SCAF4: variants seen among roughly 807,000 people sequenced by gnomAD.
SCAF4 encodes SR-related CTD associated factor 4.
In SCAF4, 25 loss-of-function variants were observed where a neutral mutation model predicts 129.8. The observed-to-expected ratio is 0.19, with a 90% CI of 0.14 to 0.27. The LOEUF is 0.27. Among genes scored for constraint, SCAF4 ranks in the 10% least tolerant of loss-of-function variants. The pLI is 1.00. For missense variants in SCAF4, 1,246 were observed against 1,457.1 expected, an observed-to-expected ratio of 0.86 and a Z score of 2.36; for synonymous variants, 551 against 497.7, an observed-to-expected ratio of 1.11 and a Z score of -1.43.
At chr21:31,703,055 T>C (rs377049143) in intron 4 of SCAF4, among the ~76,000 whole-genome samples, 3 of 152,182 alleles carry the variant, frequency 2.0e-5, no homozygotes, top group East Asian at 3.8e-4. Flanking sequence ...TACTTTTATA[T>C]AGTATGTTGT....
At chr21:31,728,807 C>G (rs780173716) in intron 1 of SCAF4, among the ~76,000 whole-genome samples, 5 of 152,112 alleles carry the variant, frequency 3.3e-5, no homozygotes, top group Non-Finnish European at 7.4e-5. Flanking sequence ...CAACTACTTG[C>G]CAAAAATTTC....
intron 1 of SCAF4, among the ~76,000 whole-genome samples, chr21:31,719,161 A>G (rs113746805): frequency 0.034 from 5,123 of 152,176 alleles, 130 homozygotes; most frequent in Non-Finnish European, 0.048. Context: ...GTGGTGGCAC[A>G]TGCCTGTAAT....
rs377564020 is a variant in SCAF4, at chr21:31,731,435, G to A, written c.30+228C>T. 4.6e-5 allele frequency among the ~76,000 whole-genome samples: 7 copies of A among 152,296 alleles called. No individual in the cohort carries two copies. In the East Asian group the frequency reaches 9.7e-4, roughly 21 times the overall value. ...CAAGGGGGCGAGGGGAGAAGCCCGAGGTCGCGGTCCGGGGGTGGGCAGTGG... is the reference window on the plus strand; with the variant it reads ...CAAGGGGGCGAGGGGAGAAGCCCGAAGTCGCGGTCCGGGGGTGGGCAGTGG... On this transcript the variant is annotated intron_variant, in intron 1 of 19. Transcript: ENST00000286835.
At chr21:31,689,052 A>G (rs2050195465) in intron 15 of SCAF4, among the ~76,000 whole-genome samples, 1 of 152,192 alleles carries the variant, frequency 6.6e-6, no homozygotes, top group African/African-American at 2.4e-5. Context: ...GAGCTTTTCA[A>G]TACATTCTCC....
At chr21:31,721,631 C>G (rs1332328228) in intron 1 of SCAF4, among the ~76,000 whole-genome samples, 2 of 151,996 alleles carry the variant, frequency 1.3e-5, no homozygotes, top group Non-Finnish European at 2.9e-5. Flanking sequence ...AGCAGTCCAC[C>G]CAGGTGCAGG....
At chr21:31,724,361 A>C (rs1457052046) in intron 1 of SCAF4, among the ~76,000 whole-genome samples, 1 of 152,040 alleles carries the variant, frequency 6.6e-6, no homozygotes, top group Non-Finnish European at 1.5e-5. Context: ...CATAATACTA[A>C]TTAATATACC....
chr21:31,681,815 C>G (rs933624363), intron 19 of SCAF4, among the ~76,000 whole-genome samples: 1 of 152,172 alleles, frequency 6.6e-6, no homozygotes, highest in Non-Finnish European at 1.5e-5. Flanking sequence ...TCTGATGATA[C>G]AACCAAACCA....
At position 31,675,371 on chromosome 21, in the gene SCAF4, C is replaced by T. The variant is rs114688585; in HGVS notation, c.2489-3017G>A. Among the ~76,000 whole-genome samples the T allele has an allele frequency of 2.4e-3, 363 of 152,212 alleles. 2 individuals are homozygous for T. Among genetic ancestry groups the T allele is most frequent in the African/African-American group, 8.3e-3 (346 of 41,540 alleles). ...TAGGATAGCTAAGAGGGGAAGGCCC[C>T]TCGAGAGTAGTTAGGCACTTATTCG... is the stretch of plus-strand genomic sequence containing the variant. On this transcript the variant is annotated intron_variant, in intron 19 of 19. Coordinates refer to ENST00000286835, the MANE Select transcript of SCAF4 (RefSeq NM_020706.2).
At chr21:31,693,022 A>C (rs2050296616) in intron 12 of SCAF4, among the ~76,000 whole-genome samples, 1 of 152,240 alleles carries the variant, frequency 6.6e-6, no homozygotes, top group African/African-American at 2.4e-5. Flanking sequence ...TATTCTGAAG[A>C]CATCTGATGA....
At chr21:31,710,239 T>C (rs1172793185) in intron 1 of SCAF4, among the ~76,000 whole-genome samples, 1 of 150,976 alleles carries the variant, frequency 6.6e-6, no homozygotes, top group African/African-American at 2.4e-5. Flanking sequence ...GAGCCTGGAG[T>C]AAGAAGGCCA....
intron 1 of SCAF4, among the ~76,000 whole-genome samples, chr21:31,723,222 A>G (rs1430763894): frequency 6.6e-6 from 1 of 152,172 alleles, no homozygotes; most frequent in African/African-American, 2.4e-5. Context: ...ATAGTCATTG[A>G]CAAACCTGCC....
chr21:31,691,923 G>A lies in SCAF4; in HGVS notation c.1622C>T (p.Pro541Leu). Residue 541 changes from proline (P) to leucine (L), a missense_variant, in exon 14 of 20, where the codon CCT becomes CTT. By Grantham distance (98) the Pro-to-Leu change is moderately conservative (BLOSUM62 -3). Coordinates refer to ENST00000286835, the MANE Select transcript of SCAF4 (RefSeq NM_020706.2). Reference protein sequence around the residue: ...FGPIESINMIPPRGCAYIVMV... With the variant: ...FGPIESINMILPRGCAYIVMV... ...AACAATATAGGCACAACCCCTGGGA[G>A]GAATCATCTGCTCCAAAACATTTTA... 1 of 1,522,056 alleles carries A rather than the reference G, an allele frequency of 6.6e-7. No homozygotes were observed. Among genetic ancestry groups the A allele is most frequent in the South Asian group, 1.2e-5 (1 of 85,022 alleles). The allele number at this position is 1,522,056 out of a possible 1,614,324, so 94.3% of individuals were successfully genotyped here.
At chr21:31,684,179 A>C (rs555753325) in intron 19 of SCAF4, 2 of 153,462 alleles carry the variant, frequency 1.3e-5, no homozygotes, top group Non-Finnish European at 2.9e-5. Context: ...GAAAGCAAAC[A>C]GGCATATGCA....
At chr21:31,674,774 T>C (rs1451975268) in intron 19 of SCAF4, among the ~76,000 whole-genome samples, 1 of 152,222 alleles carries the variant, frequency 6.6e-6, no homozygotes, top group Non-Finnish European at 1.5e-5. Flanking sequence ...ACTGATGAGT[T>C]TTCTAAAGTT....
At chr21:31,689,775 T>A (rs1431843573) in intron 15 of SCAF4, among the ~76,000 whole-genome samples, 1 of 150,230 alleles carries the variant, frequency 6.7e-6, no homozygotes, top group Admixed American at 6.6e-5. Flanking sequence ...CTAAAAAAAA[T>A]ACCAAAAAAA....
At chr21:31,705,273 G>C in intron 3 of SCAF4, 150 bp downstream of exon 3, 1 of 448,232 alleles carries the variant, frequency 2.2e-6, no homozygotes, top group Non-Finnish European at 4.1e-6. Context: ...TGCTAAAAAT[G>C]TGTTTTTATA....
At chr21:31,726,724 T>G (rs73353451) in intron 1 of SCAF4, among the ~76,000 whole-genome samples, 3,524 of 152,262 alleles carry the variant, frequency 0.023, 125 homozygotes, top group African/African-American at 0.08. Flanking sequence ...CTACAGAAAT[T>G]CCTACACATG....
intron 19 of SCAF4, among the ~76,000 whole-genome samples, chr21:31,673,850 C>T (rs1601170193): frequency 6.6e-6 from 1 of 152,294 alleles, no homozygotes; most frequent in South Asian, 2.1e-4. Context: ...TTCCCATTAC[C>T]TTTTATCAGT....
intron 1 of SCAF4, among the ~76,000 whole-genome samples, chr21:31,724,829 A>G (rs1183754446): frequency 6.6e-6 from 1 of 152,182 alleles, no homozygotes; most frequent in Non-Finnish European, 1.5e-5. Flanking sequence ...CATTATTCTA[A>G]TTGCTCTCTG....
Sources: allele counts gnomAD v4.1 joint callset (sites outside exome capture counted in the v4.1 genomes callset), GRCh38; gene constraint gnomAD v4.1.1; transcripts MANE v1.5; gene names NCBI Gene and HGNC (gene_info 2026-07-23, HGNC 2026-07-21).